CLVS1: variants seen among roughly 807,000 people sequenced by gnomAD.
The protein encoded by CLVS1 is clavesin-1.
Under a neutral mutation model 33.1 loss-of-function variants are expected in CLVS1, and 10 were observed. The ratio of observed to expected loss-of-function variants is 0.30; its 90% CI spans 0.19 to 0.51. CLVS1 has a LOEUF of 0.51. CLVS1 is among the 20% of genes least tolerant of loss of function. CLVS1 has a pLI of 0.97. For missense variants in CLVS1, 343 were observed against 433.4 expected (o/e 0.79, Z 1.85); for synonymous variants, 163 against 166.1 (o/e 0.98, Z 0.14).
At chr8:60,983,912 G>A in the CLVS1 span, among the ~76,000 whole-genome samples, 3 of 152,238 alleles carry the variant, frequency 2.0e-5, no homozygotes, top group Non-Finnish European at 2.9e-5. Flanking sequence ...CCCTCCCACA[G>A]CCCCCACCAA....
At chr8:61,292,455 G>A (rs1810029561) in intron 1 of CLVS1, 1 of 455,626 alleles carries the variant, frequency 2.2e-6, no homozygotes, top group South Asian at 1.6e-5. Context: ...CCGTTTTTGG[G>A]TGAGTCCTAC....
Position 61,296,694 on chromosome 8 carries a change from C to G in CLVS1, c.-151-2983C>G, listed in dbSNP as rs761665383. 4.6e-5 allele frequency among the ~76,000 whole-genome samples: 7 copies of G among 152,308 alleles called. 1 individual carries two copies. In the South Asian group the frequency reaches 1.5e-3, roughly 32 times the overall value. ...AAACTGTCCTGGAGGTACTGAAACA[C>G]TTATTCACTCATTCAAACATTTTGA... On this transcript the variant is annotated intron_variant, in intron 1 of 5. Transcript: ENST00000325897.
chr8:61,097,782 C>A (rs566691842), intron 1 of CLVS1, among the ~76,000 whole-genome samples: 5 of 152,272 alleles, frequency 3.3e-5, no homozygotes, highest in Admixed American at 2.0e-4. Context: ...TGCTTTACCA[C>A]CCTGAGCAGT....
At chr8:61,168,944 TTC>T (rs1374444566) in intron 2 of CLVS1, among the ~76,000 whole-genome samples, 2 of 152,254 alleles carry the variant, frequency 1.3e-5, no homozygotes, top group African/African-American at 4.8e-5. Flanking sequence ...ACTTTTAATT[TTC>T]TTTTGCTTCC....
At chr8:61,035,253 G>A in the CLVS1 span, among the ~76,000 whole-genome samples, 2 of 150,312 alleles carry the variant, frequency 1.3e-5, no homozygotes, top group Admixed American at 1.3e-4. Context: ...ATTATGGGGA[G>A]GGTTTGAGGG....
At chr8:61,461,887 G>C (rs1817380025) in intron 5 of CLVS1, among the ~76,000 whole-genome samples, 1 of 138,426 alleles carries the variant, frequency 7.2e-6, no homozygotes, top group African/African-American at 2.5e-5. Flanking sequence ...GATATGACCA[G>C]ACTTTAATTT....
chr8:61,268,743 T>C (rs1488333578), intron 2 of CLVS1, among the ~76,000 whole-genome samples: 93 of 126,106 alleles, frequency 7.4e-4, no homozygotes, highest in Middle Eastern at 3.8e-3. Flanking sequence ...ATTGTGGTTT[T>C]GATTTGCATT....
chr8:61,270,313 G>C (rs373790762), intron 2 of CLVS1, among the ~76,000 whole-genome samples: 3 of 152,224 alleles, frequency 2.0e-5, no homozygotes, highest in East Asian at 1.9e-4. Flanking sequence ...TGCTGGATTA[G>C]ATTTATTGAT....
chr8:61,486,261 C>T (rs1803879465), intron 5 of CLVS1, among the ~76,000 whole-genome samples: 2 of 151,980 alleles, frequency 1.3e-5, no homozygotes, highest in East Asian at 1.9e-4. Context: ...TTTTTTTTCT[C>T]ATGCCTTGCT....
At chr8:61,415,686 C>T (rs1033793169) in intron 3 of CLVS1, among the ~76,000 whole-genome samples, 9 of 152,140 alleles carry the variant, frequency 5.9e-5, no homozygotes, top group Admixed American at 3.3e-4. Context: ...CCGGTAAATG[C>T]TCCATGCTGT....
At chr8:61,393,471 T>A (rs1239706817) in intron 3 of CLVS1, among the ~76,000 whole-genome samples, 2 of 152,232 alleles carry the variant, frequency 1.3e-5, no homozygotes, top group African/African-American at 4.8e-5. Context: ...GGTAGTGTTA[T>A]TGAACCTTGT....
intron 2 of CLVS1, among the ~76,000 whole-genome samples, chr8:61,174,968 C>T (rs1276925212): frequency 1.1e-5 from 1 of 92,252 alleles, no homozygotes; most frequent in Non-Finnish European, 2.4e-5. Flanking sequence ...ACCTAGGACT[C>T]AAGAAATTCA....
At chr8:61,288,513 T>C (rs1809859187) in intron 1 of CLVS1, among the ~76,000 whole-genome samples, 1 of 152,060 alleles carries the variant, frequency 6.6e-6, no homozygotes, top group Non-Finnish European at 1.5e-5. Context: ...GAAGGAAAGT[T>C]CAGGTGAACA....
chr8:61,149,571 A>AAAAAAAAAAAAAAAAC (rs1252529979), intron 2 of CLVS1, among the ~76,000 whole-genome samples: 2 of 149,862 alleles, frequency 1.3e-5, no homozygotes, highest in East Asian at 1.9e-4. Flanking sequence ...AAAAAAAACA[A>AAAAAAAAAAAAAAAAC]AAAACAAAAC....
At chr8:61,216,737 C>A (rs1808098048) in intron 2 of CLVS1, among the ~76,000 whole-genome samples, 1 of 152,204 alleles carries the variant, frequency 6.6e-6, no homozygotes, top group South Asian at 2.1e-4. Flanking sequence ...AGCAAGGAGA[C>A]AGCTGAGCAG....
At chr8:61,183,492 A>C (rs1037494108) in intron 2 of CLVS1, among the ~76,000 whole-genome samples, 1 of 151,864 alleles carries the variant, frequency 6.6e-6, no homozygotes, top group Admixed American at 6.6e-5. Context: ...CAGACAGTTA[A>C]TTTTTTTTAT....
chr8:61,067,076 G>A (rs753593980), intron 1 of CLVS1, among the ~76,000 whole-genome samples: 5 of 151,908 alleles, frequency 3.3e-5, no homozygotes, highest in Non-Finnish European at 7.4e-5. Context: ...GTCACGAGAA[G>A]GACATTAACA....
chr8:61,160,155 C>G (rs1000739510), intron 2 of CLVS1, among the ~76,000 whole-genome samples: 4 of 151,986 alleles, frequency 2.6e-5, no homozygotes, highest in Non-Finnish European at 4.4e-5. Flanking sequence ...ATGGAAGAGC[C>G]CTGTTTGTAC....
chr8:61,267,986 C>T (rs573869507), intron 2 of CLVS1, among the ~76,000 whole-genome samples: 1 of 152,016 alleles, frequency 6.6e-6, no homozygotes, highest in Non-Finnish European at 1.5e-5. Context: ...ATGGGCCCTG[C>T]TGGATACTCA....
Sources: allele counts gnomAD v4.1 joint callset (sites outside exome capture counted in the v4.1 genomes callset), GRCh38; gene constraint gnomAD v4.1.1; transcripts MANE v1.5; gene names NCBI Gene and HGNC (gene_info 2026-07-23, HGNC 2026-07-21).